PPP1R12C: variants seen among roughly 807,000 people sequenced by gnomAD.
PPP1R12C encodes leukocyte receptor cluster (LRC) encoded novel gene 3.
Under a neutral mutation model 95.6 loss-of-function variants are expected in PPP1R12C, and 48 were observed. The ratio of observed to expected loss-of-function variants is 0.50; its 90% CI spans 0.40 to 0.64. The LOEUF (loss-of-function observed/expected upper bound fraction) is 0.64, where lower values mean the gene tolerates loss of function less well. Among genes scored for constraint, PPP1R12C ranks in the 30% least tolerant of loss-of-function variants. The probability of loss-of-function intolerance (pLI) is 0.00; values close to 1 mark genes in which losing one functional copy is unlikely to be tolerated. For missense variants in PPP1R12C, 1,057 were observed against 1,083.3 expected, an observed-to-expected ratio of 0.98 and a Z score of 0.34; for synonymous variants, 480 against 460.8, an observed-to-expected ratio of 1.04 and a Z score of -0.53.
At chr19:55,106,189 T>A (rs2085036398) in intron 3 of PPP1R12C, among the ~76,000 whole-genome samples, 1 of 151,336 alleles carries the variant, frequency 6.6e-6, no homozygotes, top group Non-Finnish European at 1.5e-5. Flanking sequence ...TCTAGCCCTT[T>A]ACAGAGAAAG....
Position 55,096,149 on chromosome 19 carries a change from T to C in PPP1R12C, c.1055A>G (p.Glu352Gly), listed in dbSNP as rs766957445. 6.2e-7 allele frequency: 1 copy of C among 1,600,112 alleles called. No individual in the cohort carries two copies. The highest frequency in any genetic ancestry group is 1.7e-5 in the Admixed American group (1 of 57,630). Reference sequence around the variant, plus strand: ...GGACAAGTCCTGGAGGGAAATCTTCTCGCGACTGCTCAGACGACACACAGA... The same window carrying C: ...GGACAAGTCCTGGAGGGAAATCTTCCCGCGACTGCTCAGACGACACACAGA... ...RSSVCRLSSR[E>G]KISLQDLSKE... Residue 352 changes from glutamate to glycine, a missense_variant, in exon 8 of 22, where the codon GAG (glutamate) becomes GGG (glycine). By Grantham distance (98) the Glu-to-Gly change is moderately conservative. Around this residue, in one of 5 missense-constraint regions of PPP1R12C, gnomAD observed 356 missense variants for 330.5 expected, o/e 1.08. Coordinates refer to ENST00000263433, the MANE Select transcript of PPP1R12C (RefSeq NM_017607.4).
At chr19:55,094,546 C>T in intron 12 of PPP1R12C, 111 bp from the exon 13 acceptor site, 1 of 1,564,068 alleles carries the variant, frequency 6.4e-7, no homozygotes, top group South Asian at 1.2e-5. Context: ...CAACTCCCAG[C>T]AGACCTGAGG....
chr19:55,096,204 G>A (rs778508012), intron 7 of PPP1R12C, 26 bp from the exon 8 acceptor site: 1 of 1,611,776 alleles, frequency 6.2e-7, no homozygotes, highest in African/African-American at 1.3e-5. Flanking sequence ...AGGGTGCTGG[G>A]GTACAAGCCC....
At chr19:55,103,689 CCT>C (rs2085003048) in intron 3 of PPP1R12C, 121 bp from the exon 4 acceptor site, 7 of 957,310 alleles carry the variant, frequency 7.3e-6, no homozygotes, top group East Asian at 3.0e-5. Flanking sequence ...CCCCTGCTCC[CCT>C]CTGAGACTCA....
At position 55,091,179 on chromosome 19, in the gene PPP1R12C, T is replaced by C; in HGVS notation, c.*293A>G. 1 of 460,720 alleles carries C rather than the reference T, an allele frequency of 2.2e-6. No individual in the cohort carries two copies. Among genetic ancestry groups the C allele is most frequent in the Non-Finnish European group, 4.0e-6 (1 of 252,316 alleles). The allele number at this position is 460,720 out of a possible 1,614,324, so 28.5% of individuals were successfully genotyped here. On this transcript the variant is annotated 3_prime_UTR_variant, in exon 22 of 22. Coordinates refer to ENST00000263433, the MANE Select transcript of PPP1R12C (RefSeq NM_017607.4). ...GACCTCCAGGCGGCCACTCTGGTCC[T>C]GGCTACTGATCCTTGCACTTCTTGG...
intron 3 of PPP1R12C, among the ~76,000 whole-genome samples, chr19:55,107,019 G>A (rs1230231234): frequency 1.3e-5 from 2 of 152,124 alleles, no homozygotes; most frequent in Non-Finnish European, 1.5e-5. Flanking sequence ...GTTCAGCAGA[G>A]TGATAGAGAG....
At chr19:55,092,035 G>C in intron 19 of PPP1R12C, 126 bp from the exon 20 acceptor site, 1 of 1,281,174 alleles carries the variant, frequency 7.8e-7, no homozygotes, top group South Asian at 1.2e-5. Context: ...CCACGGGCCA[G>C]GCCCCGCCAC....
At chr19:55,113,245 G>A in intron 1 of PPP1R12C, 1 of 583,646 alleles carries the variant, frequency 1.7e-6, no homozygotes, top group Non-Finnish European at 2.8e-6. Flanking sequence ...TCCTTCCAAG[G>A]GTCAAGCTCG....
chr19:55,093,238 C>T lies in PPP1R12C; in HGVS notation c.1684-5G>A, dbSNP rs776024386. On this transcript the variant is annotated splice_polypyrimidine_tract_variant and splice_region_variant and intron_variant, in intron 13 of 21. Coordinates refer to ENST00000263433, the MANE Select transcript of PPP1R12C (RefSeq NM_017607.4). ...CAGGTCTGTAAGAGTCACACCCTGG[C>T]AGGGAAAGGGGACAGTCAGGGGACG... is the stretch of plus-strand genomic sequence containing the variant. The T allele has an allele frequency of 2.5e-6, 4 of 1,612,100 alleles. No homozygotes were observed. Among genetic ancestry groups the T allele is most frequent in the Non-Finnish European group, 1.7e-6 (2 of 1,179,548 alleles).
At chr19:55,112,632 G>T in intron 2 of PPP1R12C, 33 bp downstream of exon 2, 1 of 1,612,292 alleles carries the variant, frequency 6.2e-7, no homozygotes, top group Non-Finnish European at 8.5e-7. Flanking sequence ...CCCCCACCCC[G>T]ACCAGGTCCT....
At position 55,091,451 on chromosome 19, in the gene PPP1R12C, G is replaced by A; in HGVS notation, c.*21C>T. The A allele has an allele frequency of 6.2e-7, 1 of 1,602,996 alleles. No individual in the cohort carries two copies. The highest frequency in any genetic ancestry group is 8.5e-7 in the Non-Finnish European group (1 of 1,170,274). ...GGCAGAAGCAGCTGTATAAATACGG[G>A]TGCGGGAAAGTCCCTCCGGGTCACT... is the stretch of plus-strand genomic sequence containing the variant. On this transcript the variant is annotated 3_prime_UTR_variant, in exon 22 of 22. Coordinates refer to ENST00000263433, the MANE Select transcript of PPP1R12C (RefSeq NM_017607.4).
chr19:55,112,995 C>A, intron 1 of PPP1R12C, 200 bp from the exon 2 acceptor site: 1 of 676,662 alleles, frequency 1.5e-6, no homozygotes, highest in Non-Finnish European at 2.5e-6. Context: ...GCCTTCAGTG[C>A]TCAGTGGAAA....
At position 55,091,387 on chromosome 19, in the gene PPP1R12C, C is replaced by A; in HGVS notation, c.*85G>T. The A allele has an allele frequency of 7.5e-7, 1 of 1,341,364 alleles. No individual in the cohort carries two copies. The highest frequency in any genetic ancestry group is 1.3e-5 in the South Asian group (1 of 78,266). 83.1% of individuals were successfully genotyped at this position (1,341,364 alleles called of 1,614,324 possible). A position where few individuals can be genotyped will look rare whatever the true frequency, so the allele number is the denominator to read the frequency against. ...GGCTTCTCTGAGACTTCCCCCGGAG[C>A]CCTGTCACTCGTGTTCACACGGGGG... is the stretch of plus-strand genomic sequence containing the variant. On this transcript the variant is annotated 3_prime_UTR_variant, in exon 22 of 22. Coordinates refer to ENST00000263433, the MANE Select transcript of PPP1R12C (RefSeq NM_017607.4).
intron 4 of PPP1R12C, among the ~76,000 whole-genome samples, chr19:55,102,044 A>G (rs1223356713): frequency 1.3e-5 from 2 of 152,202 alleles, no homozygotes; most frequent in South Asian, 2.1e-4. Flanking sequence ...ACTAAATAAT[A>G]AAGTATATGA....
chr19:55,108,711 T>A (rs767974118), intron 3 of PPP1R12C, among the ~76,000 whole-genome samples: 17 of 152,170 alleles, frequency 1.1e-4, no homozygotes, highest in Non-Finnish European at 5.9e-5. Context: ...TTGTCTTGTT[T>A]TGTTTTTTGT....
Position 55,097,352 on chromosome 19 carries a change from C to T in PPP1R12C, c.952-1017G>A, listed in dbSNP as rs528905138. ...CTTCCCTGCAGTTCACCACCGTCTT[C>T]GCCCCTTCCCCGCAGTTCACCGTCT... On this transcript the variant is annotated intron_variant, in intron 6 of 21. Transcript: ENST00000263433. 3.7e-4 allele frequency among the ~76,000 whole-genome samples: 44 copies of T among 120,488 alleles called. 1 individual carries two copies. Among genetic ancestry groups the T allele is most frequent in the African/African-American group, 1.1e-3 (38 of 33,736 alleles). The allele number at this position is 120,488 out of a possible 152,430, so 79.0% of individuals were successfully genotyped here.
intron 1 of PPP1R12C, among the ~76,000 whole-genome samples, chr19:55,116,848 G>A (rs1332869377): frequency 6.6e-6 from 1 of 152,194 alleles, no homozygotes; most frequent in Admixed American, 6.5e-5. Context: ...GCTCAACATC[G>A]GAAGAGGGGA....
At chr19:55,106,993 G>A (rs1266942330) in intron 3 of PPP1R12C, among the ~76,000 whole-genome samples, 1 of 149,078 alleles carries the variant, frequency 6.7e-6, no homozygotes, top group African/African-American at 2.4e-5. Context: ...ACCTGTCTAA[G>A]AGTGAAGCCA....
intron 1 of PPP1R12C, chr19:55,115,589 C>T (rs968970333): frequency 6.6e-6 from 1 of 150,574 alleles, no homozygotes; most frequent in Admixed American, 6.6e-5. Flanking sequence ...CTCTCTGGCT[C>T]CATCGTAAGC....
Sources: allele counts gnomAD v4.1 joint callset (sites outside exome capture counted in the v4.1 genomes callset), GRCh38; gene constraint gnomAD v4.1.1; regional missense constraint gnomAD v4.1.1; transcripts MANE v1.5; gene names NCBI Gene and HGNC (gene_info 2026-07-23, HGNC 2026-07-21).